The following PIK3C2G variants were observed in gnomAD, a reference collection of about 807,000 sequenced individuals.
The protein encoded by PIK3C2G is phosphatidylinositol 3-kinase C2 domain-containing subunit gamma.
Under a neutral mutation model 181.1 loss-of-function variants are expected in PIK3C2G, and 168 were observed. The ratio of observed to expected loss-of-function variants is 0.93; its 90% CI spans 0.82 to 1.05. The LOEUF (loss-of-function observed/expected upper bound fraction) is 1.05, where lower values mean the gene tolerates loss of function less well. PIK3C2G is among the 50% of genes least tolerant of loss of function. PIK3C2G has a pLI of 0.00. For synonymous variants in PIK3C2G, 573 were observed against 592.2 expected, an observed-to-expected ratio of 0.97 and a Z score of 0.47; for missense variants, 1,869 against 1,732.8, an observed-to-expected ratio of 1.08 and a Z score of -1.40.
At chr12:18,393,115 G>C (rs1943637280) in intron 15 of PIK3C2G, among the ~76,000 whole-genome samples, 1 of 151,988 alleles carries the variant, frequency 6.6e-6, no homozygotes, top group Non-Finnish European at 1.5e-5. Flanking sequence ...AGCAAAAAGA[G>C]GTCAAAACCA....
chr12:18,695,900 T>C, the PIK3C2G span, among the ~76,000 whole-genome samples: 13 of 151,970 alleles, frequency 8.6e-5, no homozygotes, highest in African/African-American at 2.2e-4. Context: ...CCACTACACA[T>C]GTCTCATATT....
chr12:18,712,815 T>C, the PIK3C2G span: 2 of 1,610,038 alleles, frequency 1.2e-6, no homozygotes, highest in Non-Finnish European at 1.7e-6. Context: ...TTTAAATAGC[T>C]ACAGTTGAAC....
intron 18 of PIK3C2G, among the ~76,000 whole-genome samples, chr12:18,455,281 T>C (rs949857626): frequency 1.3e-5 from 2 of 151,624 alleles, no homozygotes; most frequent in African/African-American, 2.4e-5. Flanking sequence ...TGAACACCAG[T>C]AGGTGGGATC....
the PIK3C2G span, chr12:18,685,635 G>T: frequency 1.9e-6 from 1 of 516,686 alleles, no homozygotes; most frequent in East Asian, 5.5e-5. Context: ...GCTCATGCTG[G>T]AATAATGACC....
chr12:18,441,591 G>T (rs954814197), intron 18 of PIK3C2G, among the ~76,000 whole-genome samples: 2 of 152,084 alleles, frequency 1.3e-5, no homozygotes, highest in Non-Finnish European at 2.9e-5. Context: ...AAAATGAAGA[G>T]TGGACTGGAA....
chr12:18,380,050 G>T (rs535576923), intron 13 of PIK3C2G, among the ~76,000 whole-genome samples: 1 of 152,320 alleles, frequency 6.6e-6, no homozygotes, highest in Admixed American at 6.5e-5. Flanking sequence ...CTCTCAAGAG[G>T]TGATTTCCTT....
chr12:18,274,859 A>G lies in PIK3C2G; in HGVS notation c.-78-7145A>G, dbSNP rs186112523. 5.3e-5 allele frequency among the ~76,000 whole-genome samples: 8 copies of G among 152,300 alleles called. No homozygotes were observed. The South Asian group carries it at 8.3e-4, about 16-fold the overall frequency. ...TGTCCTCCACCTTTTATTAAAGTTG[A>G]ACTACGTATATGTTGTCAGATCAGA... On this transcript the variant is annotated intron_variant, in intron 1 of 32. Coordinates refer to ENST00000538779, the MANE Select transcript of PIK3C2G (RefSeq NM_001288772.2).
intron 9 of PIK3C2G, among the ~76,000 whole-genome samples, chr12:18,342,725 G>A (rs533935440): frequency 5.5e-4 from 83 of 151,760 alleles, no homozygotes; most frequent in African/African-American, 1.9e-3. Flanking sequence ...AAATAAGGAA[G>A]GCCACCACAC....
intron 15 of PIK3C2G, among the ~76,000 whole-genome samples, chr12:18,392,824 G>T (rs1456060127): frequency 6.6e-6 from 1 of 152,042 alleles, no homozygotes; most frequent in Non-Finnish European, 1.5e-5. Context: ...TGAATAAATA[G>T]ATTATAAGGA....
intron 5 of PIK3C2G, among the ~76,000 whole-genome samples, chr12:18,294,713 T>C (rs1374287964): frequency 2.0e-5 from 3 of 152,006 alleles, no homozygotes; most frequent in East Asian, 3.8e-4. Flanking sequence ...TAAATATTTC[T>C]CTGCTGGTAT....
chr12:18,430,414 A>C (rs903569294), intron 18 of PIK3C2G, among the ~76,000 whole-genome samples: 4 of 152,204 alleles, frequency 2.6e-5, no homozygotes, highest in Non-Finnish European at 5.9e-5. Flanking sequence ...TTCCTTTCAA[A>C]GTATGGGGAT....
chr12:18,446,936 TAG>T lies in PIK3C2G; in HGVS notation c.2504+22902_2504+22903del, dbSNP rs1319252494. Among the ~76,000 whole-genome samples, 4 of 152,258 alleles carry T rather than the reference TAG, an allele frequency of 2.6e-5. No homozygotes were observed. The East Asian group carries it at 7.7e-4, about 29-fold the overall frequency. On this transcript the variant is annotated intron_variant, in intron 18 of 32. Transcript: ENST00000538779. Reference sequence around the variant, plus strand: ...ATTTAATGCCACACACGCTATAAAATAGAGAGTAGAAAGAGTCCGATGAAATT... The same window carrying T: ...ATTTAATGCCACACACGCTATAAAATAGAGTAGAAAGAGTCCGATGAAATT...
At chr12:18,623,643 T>G (rs966496804) in intron 31 of PIK3C2G, among the ~76,000 whole-genome samples, 2 of 151,814 alleles carry the variant, frequency 1.3e-5, no homozygotes, top group Admixed American at 1.3e-4. Flanking sequence ...ATGGACATTT[T>G]AAGAATATTA....
chr12:18,631,068 T>C (rs1201878318), intron 31 of PIK3C2G, among the ~76,000 whole-genome samples: 1 of 152,152 alleles, frequency 6.6e-6, no homozygotes, highest in South Asian at 2.1e-4. Flanking sequence ...ATTTGCATAA[T>C]TAAATCATAA....
At chr12:18,463,387 T>C (rs553861855) in intron 18 of PIK3C2G, among the ~76,000 whole-genome samples, 1 of 152,246 alleles carries the variant, frequency 6.6e-6, no homozygotes, top group East Asian at 1.9e-4. Context: ...ATTCTGAAAA[T>C]ATAAATTGTT....
chr12:18,496,229 GT>G, intron 21 of PIK3C2G, 75 bp downstream of exon 21: 2 of 888,018 alleles, frequency 2.3e-6, no homozygotes, highest in Non-Finnish European at 3.4e-6. Flanking sequence ...AAAAGAAATT[GT>G]TGTGGCTATT....
intron 5 of PIK3C2G, among the ~76,000 whole-genome samples, chr12:18,309,860 G>C (rs1315085176): frequency 6.6e-6 from 1 of 151,744 alleles, no homozygotes; most frequent in African/African-American, 2.4e-5. Context: ...TTACTATAAA[G>C]TATATTATGC....
chr12:18,678,777 T>C, the PIK3C2G span, among the ~76,000 whole-genome samples: 1 of 152,032 alleles, frequency 6.6e-6, no homozygotes, highest in Non-Finnish European at 1.5e-5. Context: ...CAGTTTGGGG[T>C]TATTATAAAA....
At chr12:18,718,943 A>G in the PIK3C2G span, among the ~76,000 whole-genome samples, 1 of 152,228 alleles carries the variant, frequency 6.6e-6, no homozygotes, top group African/African-American at 2.4e-5. Context: ...TTTTTAATCT[A>G]TGTAAACTCT....
Sources: gnomAD v4.1 joint callset for allele counts (sites outside exome capture counted in the v4.1 genomes callset) on GRCh38, gnomAD v4.1.1 for gene constraint, MANE v1.5 for transcripts, NCBI Gene and HGNC (gene_info 2026-07-23, HGNC 2026-07-21) for gene names.